The following FCN2 variants were observed in gnomAD, a reference collection of about 807,000 sequenced individuals.
FCN2 encodes ficolin-2.
Under a neutral mutation model 32.5 loss-of-function variants are expected in FCN2, and 31 were observed. The ratio of observed to expected loss-of-function variants is 0.96; its 90% confidence interval spans 0.72 to 1.29. The LOEUF (loss-of-function observed/expected upper bound fraction) is 1.29, where lower values mean the gene tolerates loss of function less well. Among genes scored for constraint, FCN2 ranks in the 50% most tolerant of loss-of-function variants. The pLI is 0.00. For missense variants in FCN2, 412 were observed against 406.5 expected (o/e 1.01, Z -0.12); for synonymous variants, 181 against 164.5 (o/e 1.10, Z -0.77).
upstream of FCN2, chr9:134,880,731 A>T: frequency 9.8e-7 from 1 of 1,021,046 alleles, no homozygotes; most frequent in Non-Finnish European, 1.5e-6. Flanking sequence ...AGCGGCTGTC[A>T]CTCGGAAGAT....
chr9:134,872,740 A>G, the FCN2 span, among the ~76,000 whole-genome samples: 1 of 152,042 alleles, frequency 6.6e-6, no homozygotes. Context: ...TGATTCAGTT[A>G]CCTCCTACCG....
intron 6 of FCN2, 77 bp downstream of exon 6, chr9:134,885,974 G>C: frequency 2.1e-6 from 3 of 1,451,750 alleles, no homozygotes; most frequent in East Asian, 2.3e-5. Flanking sequence ...GGGCTGCCTG[G>C]AACACAAGAG....
chr9:134,882,002 C>T (rs1830670698), intron 1 of FCN2, among the ~76,000 whole-genome samples: 1 of 152,206 alleles, frequency 6.6e-6, no homozygotes, highest in African/African-American at 2.4e-5. Flanking sequence ...CACAGGAGCC[C>T]ATCCACTCTC....
the FCN2 span, among the ~76,000 whole-genome samples, chr9:134,864,160 G>A: frequency 5.5e-3 from 845 of 152,304 alleles, 11 homozygotes; most frequent in African/African-American, 0.019. Context: ...CACTCAGACC[G>A]CAGTGGACGT....
At chr9:134,867,261 C>T in the FCN2 span, among the ~76,000 whole-genome samples, 1 of 145,750 alleles carries the variant, frequency 6.9e-6, no homozygotes, top group Non-Finnish European at 1.5e-5. Context: ...CAATGATAGA[C>T]TGGATTAAGA....
intron 2 of FCN2, 106 bp downstream of exon 2, chr9:134,882,745 G>A (rs1830683557): frequency 8.0e-6 from 6 of 753,046 alleles, no homozygotes; most frequent in African/African-American, 1.7e-5. Context: ...GCTGGGTCAG[G>A]CCCCTGCAAG....
chr9:134,874,619 T>C, the FCN2 span, among the ~76,000 whole-genome samples: 12 of 152,262 alleles, frequency 7.9e-5, no homozygotes, highest in African/African-American at 2.7e-4. Flanking sequence ...TGATGCTTTA[T>C]AATAATTCTT....
chr9:134,881,164 C>T (rs1014231297), intron 1 of FCN2, among the ~76,000 whole-genome samples: 1 of 152,218 alleles, frequency 6.6e-6, no homozygotes, highest in Admixed American at 6.5e-5. Flanking sequence ...GGCAGGTTTC[C>T]AGTCTCCCTG....
At chr9:134,885,616 G>A in intron 5 of FCN2, 152 bp from the exon 6 acceptor site, 1 of 1,148,138 alleles carries the variant, frequency 8.7e-7, no homozygotes, top group Non-Finnish European at 1.2e-6. Flanking sequence ...CCTTCATCCT[G>A]TGGAGTCTGT....
chr9:134,865,696 C>T, the FCN2 span, among the ~76,000 whole-genome samples: 1 of 152,094 alleles, frequency 6.6e-6, no homozygotes, highest in Non-Finnish European at 1.5e-5. Flanking sequence ...GAGCACCGCT[C>T]TGGTCCATGG....
the FCN2 span, among the ~76,000 whole-genome samples, chr9:134,869,476 G>A: frequency 6.6e-6 from 1 of 152,150 alleles, no homozygotes. Flanking sequence ...CCCCGCAGAG[G>A]GTGGAGGGTT....
Position 134,887,418 on chromosome 9 carries a change from C to T in FCN2, c.*3C>T. On this transcript the variant is annotated 3_prime_UTR_variant, in exon 8 of 8. Transcript: ENST00000291744. ...AGATGAAGGTGCGACCTGCCTAGCCCAGGCCGGCCTCAGGGTCAGGACGCC... is the reference window on the plus strand; with the variant it reads ...AGATGAAGGTGCGACCTGCCTAGCCTAGGCCGGCCTCAGGGTCAGGACGCC... The T allele has an allele frequency of 6.2e-7, 1 of 1,614,004 alleles. No homozygotes were observed. Among genetic ancestry groups the T allele is most frequent in the East Asian group, 2.2e-5 (1 of 44,878 alleles).
At chr9:134,870,634 C>A in the FCN2 span, among the ~76,000 whole-genome samples, 1 of 152,304 alleles carries the variant, frequency 6.6e-6, no homozygotes, top group East Asian at 1.9e-4. The surrounding 1 kb of genome is among the most constrained non-coding windows in gnomAD (Gnocchi z 4.3). Flanking sequence ...CAGAGCCCGG[C>A]CCTGCGGGGG....
At chr9:134,885,135 A>G in intron 4 of FCN2, 104 bp from the exon 5 acceptor site, 1 of 1,493,070 alleles carries the variant, frequency 6.7e-7, no homozygotes, top group Non-Finnish European at 9.2e-7. Flanking sequence ...CTCTGTTCAT[A>G]CAGACGCCTA....
upstream of FCN2, chr9:134,880,758 A>C (rs7865453): frequency 0.11 from 142,285 of 1,296,572 alleles, 8,725 homozygotes; most frequent in African/African-American, 0.22. Flanking sequence ...TTGGAGTCTG[A>C]GGGAGGCTGG....
Position 134,885,904 on chromosome 9 carries a change from C to A in FCN2, c.559+7C>A. 3 of 1,609,020 alleles carry A rather than the reference C, an allele frequency of 1.9e-6. No individual in the cohort carries two copies. Among genetic ancestry groups the A allele is most frequent in the Non-Finnish European group, 2.5e-6 (3 of 1,177,532 alleles). The stretch of plus-strand genomic sequence containing the variant: ...CACGCCCTGACCGCCCAGGGTAGGG[C>A]CGCTGCTGGGGCTTGGGGGTCGGGG... On this transcript the variant is annotated splice_region_variant and intron_variant, in intron 6 of 7. Coordinates refer to ENST00000291744, the MANE Select transcript of FCN2 (RefSeq NM_004108.3).
At chr9:134,867,685 A>G in the FCN2 span, among the ~76,000 whole-genome samples, 1 of 151,386 alleles carries the variant, frequency 6.6e-6, no homozygotes, top group Admixed American at 6.6e-5. Context: ...AAAAAGAAGT[A>G]AACAACCTTG....
chr9:134,874,737 T>C, the FCN2 span, among the ~76,000 whole-genome samples: 4 of 152,240 alleles, frequency 2.6e-5, no homozygotes, highest in African/African-American at 9.6e-5. Context: ...TCAATTTGCA[T>C]TAAAAAGCTG....
chr9:134,875,433 C>A, the FCN2 span, among the ~76,000 whole-genome samples: 1 of 152,112 alleles, frequency 6.6e-6, no homozygotes, highest in Non-Finnish European at 1.5e-5. Context: ...TGGTCCCCAC[C>A]CCCCTTGAGT....
Sources: gnomAD v4.1 joint callset for allele counts (sites outside exome capture counted in the v4.1 genomes callset) on GRCh38, gnomAD v4.1.1 for gene constraint, Gnocchi (gnomAD v3.1) non-coding constraint, MANE v1.5 for transcripts, NCBI Gene and HGNC (gene_info 2026-07-23, HGNC 2026-07-21) for gene names.